Variants in CCSER1 observed in about 807,000 individuals in gnomAD.
The protein encoded by CCSER1 is coiled-coil serine rich protein 1.
Under a neutral mutation model 82.0 loss-of-function variants are expected in CCSER1, and 41 were observed. The ratio of observed to expected loss-of-function variants is 0.50; its 90% confidence interval spans 0.39 to 0.65. The LOEUF is 0.65. Among genes scored for constraint, CCSER1 ranks in the 30% least tolerant of loss-of-function variants. The pLI, the probability that CCSER1 is intolerant of heterozygous loss-of-function variation, is 0.00. For missense variants in CCSER1, 1,119 were observed against 1,064.2 expected, an observed-to-expected ratio of 1.05 and a Z score of -0.72; for synonymous variants, 414 against 383.9, an observed-to-expected ratio of 1.08 and a Z score of -0.92.
chr4:91,516,277 A>G (rs1020312202), intron 10 of CCSER1, among the ~76,000 whole-genome samples: 3 of 152,002 alleles, frequency 2.0e-5, no homozygotes, highest in African/African-American at 7.2e-5. Flanking sequence ...TCATGAAATC[A>G]TTGCCAGTTT....
At chr4:91,087,907 G>T (rs1200861347) in intron 10 of CCSER1, among the ~76,000 whole-genome samples, 1 of 152,066 alleles carries the variant, frequency 6.6e-6, no homozygotes, top group Non-Finnish European at 1.5e-5. Context: ...AAACTTCAGG[G>T]AGGTATAAGA....
intron 10 of CCSER1, among the ~76,000 whole-genome samples, chr4:91,133,382 G>A (rs1048787278): frequency 7.9e-5 from 12 of 152,062 alleles, no homozygotes; most frequent in Admixed American, 1.3e-4. Context: ...GTGAGGAAGC[G>A]GTTCATGAAG....
At chr4:90,669,204 A>G (rs1033520209) in intron 6 of CCSER1, among the ~76,000 whole-genome samples, 2 of 152,140 alleles carry the variant, frequency 1.3e-5, no homozygotes, top group African/African-American at 4.8e-5. Flanking sequence ...ATGAGTGGTC[A>G]TCTCCTTCTT....
intron 10 of CCSER1, among the ~76,000 whole-genome samples, chr4:91,378,181 C>T (rs1180567983): frequency 4.6e-5 from 7 of 152,060 alleles, no homozygotes; most frequent in African/African-American, 1.4e-4. Context: ...AGTCAGGTAG[C>T]GTGATGCCTC....
At position 91,377,846 on chromosome 4, in the gene CCSER1, T is replaced by A. The variant is rs1256797791; in HGVS notation, c.2218-220726T>A. ...GCCCATGCCTATGTCCTGAATGGTA[T>A]TGCCTAGGTTTTCTTCTAGGGTTTT... On this transcript the variant is annotated intron_variant, in intron 10 of 10. Coordinates refer to ENST00000509176, the MANE Select transcript of CCSER1 (RefSeq NM_001145065.2). 5.3e-5 allele frequency among the ~76,000 whole-genome samples: 8 copies of A among 152,280 alleles called. 1 individual carries two copies. Among genetic ancestry groups the A allele is most frequent in the Admixed American group, 1.3e-4 (2 of 15,274 alleles).
intron 9 of CCSER1, among the ~76,000 whole-genome samples, chr4:90,994,263 A>G (rs1737298308): frequency 6.6e-6 from 1 of 152,084 alleles, no homozygotes; most frequent in Non-Finnish European, 1.5e-5. Flanking sequence ...TAAGCTACCA[A>G]ACATCATAGC....
chr4:91,330,624 A>G (rs1746886292), intron 10 of CCSER1, among the ~76,000 whole-genome samples: 1 of 152,174 alleles, frequency 6.6e-6, no homozygotes, highest in African/African-American at 2.4e-5. Context: ...AAAACTCTTC[A>G]TTATCTTTTC....
At chr4:91,396,203 A>G (rs10516895) in intron 10 of CCSER1, among the ~76,000 whole-genome samples, 4,892 of 152,190 alleles carry the variant, frequency 0.032, 246 homozygotes, top group African/African-American at 0.11. Context: ...TCCAAACTAA[A>G]TGTGTATTAT....
rs181499912 is a variant in CCSER1, at chr4:91,306,131, T to C, written c.2217+220137T>C. Among the ~76,000 whole-genome samples the C allele has an allele frequency of 3.9e-3, 596 of 151,638 alleles. 4 individuals carry two copies. The highest frequency in any genetic ancestry group is 0.014 in the African/African-American group (560 of 41,434). On this transcript the variant is annotated intron_variant, in intron 10 of 10. Coordinates refer to ENST00000509176, the MANE Select transcript of CCSER1 (RefSeq NM_001145065.2). ...AAATCCATAACAGAAATTTTTTTCA[T>C]GAACATCATTGCCAACCTTTCATAT...
At chr4:91,030,090 G>GT (rs889285910) in intron 9 of CCSER1, among the ~76,000 whole-genome samples, 7 of 152,150 alleles carry the variant, frequency 4.6e-5, no homozygotes, top group Admixed American at 6.6e-5. Flanking sequence ...ACTGCTACCT[G>GT]TTTTTTCACA....
chr4:91,432,624 A>C (rs566548590), intron 10 of CCSER1, among the ~76,000 whole-genome samples: 1 of 152,162 alleles, frequency 6.6e-6, no homozygotes, highest in East Asian at 1.9e-4. Flanking sequence ...ATTTATTTGC[A>C]CCTCTCTAAT....
chr4:90,795,704 A>C (rs953111999), intron 7 of CCSER1, among the ~76,000 whole-genome samples: 3 of 152,164 alleles, frequency 2.0e-5, no homozygotes, highest in African/African-American at 7.2e-5. Context: ...TTTAACATGA[A>C]AGAGTGTTGA....
chr4:91,036,749 G>A (rs1741464680), intron 9 of CCSER1, among the ~76,000 whole-genome samples: 1 of 152,208 alleles, frequency 6.6e-6, no homozygotes, highest in East Asian at 1.9e-4. Context: ...TTAGATAAAT[G>A]GAGATCAAAA....
At chr4:91,562,375 C>G (rs1267964406) in intron 10 of CCSER1, among the ~76,000 whole-genome samples, 10 of 151,308 alleles carry the variant, frequency 6.6e-5, no homozygotes, top group East Asian at 3.9e-4. Flanking sequence ...CTTTATATAA[C>G]TTTTTCTATA....
intron 8 of CCSER1, among the ~76,000 whole-genome samples, chr4:90,853,553 C>G (rs1023209964): frequency 2.6e-5 from 4 of 152,022 alleles, no homozygotes; most frequent in Non-Finnish European, 4.4e-5. Context: ...TGTGTTTTCT[C>G]TGTGCTCGTG....
intron 1 of CCSER1, among the ~76,000 whole-genome samples, chr4:90,154,032 T>C (rs1434637092): frequency 1.3e-5 from 2 of 152,240 alleles, no homozygotes; most frequent in Non-Finnish European, 2.9e-5. Context: ...AAGTCTTTAA[T>C]CCACCTTGAC....
chr4:90,923,316 G>A (rs1728648070), intron 8 of CCSER1, 54 bp from the exon 9 acceptor site: 1 of 1,195,262 alleles, frequency 8.4e-7, no homozygotes, highest in African/African-American at 1.5e-5. Flanking sequence ...GAATATTAGT[G>A]TAGAAGTACA....
At chr4:91,484,563 A>G (rs2110054759) in intron 10 of CCSER1, among the ~76,000 whole-genome samples, 1 of 152,332 alleles carries the variant, frequency 6.6e-6, no homozygotes, top group African/African-American at 2.4e-5. Flanking sequence ...TTAGGTAAAC[A>G]TTGCCTAAAA....
chr4:91,068,593 A>G (rs1172152389), intron 9 of CCSER1, among the ~76,000 whole-genome samples: 1 of 152,216 alleles, frequency 6.6e-6, no homozygotes, highest in Non-Finnish European at 1.5e-5. Context: ...TACTACATTT[A>G]AAAGTGGGAA....
Sources: gnomAD v4.1 joint callset for allele counts (sites outside exome capture counted in the v4.1 genomes callset) on GRCh38, gnomAD v4.1.1 for gene constraint, MANE v1.5 for transcripts, NCBI Gene and HGNC (gene_info 2026-07-23, HGNC 2026-07-21) for gene names.